Variants in RNF220 observed in about 807,000 individuals in gnomAD.
RNF220 encodes the protein ring finger protein 220.
A neutral mutation model predicts 67.1 loss-of-function variants in RNF220; 7 were observed. The observed-to-expected ratio is 0.10, with a 90% CI of 0.06 to 0.20. The LOEUF (loss-of-function observed/expected upper bound fraction) is 0.20. Ranked by LOEUF, RNF220 falls within the 10% of genes least tolerant of loss-of-function variation. The probability of loss-of-function intolerance (pLI) is 1.00; values close to 1 mark genes in which losing one functional copy is unlikely to be tolerated. For missense variants in RNF220, 565 were observed against 740.3 expected (o/e 0.76, Z 2.75); for synonymous variants, 270 against 283.2 (o/e 0.95, Z 0.47).
chr1:44,597,904 A>G (rs1289114780), intron 2 of RNF220, among the ~76,000 whole-genome samples: 1 of 151,848 alleles, frequency 6.6e-6, no homozygotes, highest in East Asian at 1.9e-4. Flanking sequence ...AAATAAACAT[A>G]CACCCGTCTA....
intron 2 of RNF220, among the ~76,000 whole-genome samples, chr1:44,500,515 G>A (rs184432140): frequency 9.2e-5 from 14 of 152,280 alleles, no homozygotes; most frequent in African/African-American, 3.4e-4. Context: ...CTCACCCACT[G>A]GAATGTAAGC....
At chr1:44,430,830 C>A (rs1363448589) in intron 2 of RNF220, among the ~76,000 whole-genome samples, 1 of 152,216 alleles carries the variant, frequency 6.6e-6, no homozygotes, top group Admixed American at 6.5e-5. Flanking sequence ...CAGGCGTGAG[C>A]CACCACGCCC....
chr1:44,488,296 C>G (rs182043017), intron 2 of RNF220, among the ~76,000 whole-genome samples: 4 of 151,926 alleles, frequency 2.6e-5, no homozygotes, highest in African/African-American at 9.7e-5. Context: ...CCACCACACC[C>G]GACTAATTTT....
chr1:44,599,290 T>C (rs1052769856), intron 2 of RNF220, among the ~76,000 whole-genome samples: 35 of 152,208 alleles, frequency 2.3e-4, no homozygotes, highest in Admixed American at 2.3e-3. Context: ...AATCGACATA[T>C]AGACATATGT....
chr1:44,472,617 C>T (rs1228148365), intron 2 of RNF220, among the ~76,000 whole-genome samples: 1 of 152,158 alleles, frequency 6.6e-6, no homozygotes, highest in African/African-American at 2.4e-5. Context: ...CAATTGCCTA[C>T]AGGATAAAAT....
chr1:44,609,036 A>G (rs1173012995), intron 2 of RNF220, among the ~76,000 whole-genome samples: 1 of 152,176 alleles, frequency 6.6e-6, no homozygotes, highest in Admixed American at 6.5e-5. Flanking sequence ...AATGAAGCTC[A>G]ATAACGTTAA....
intron 2 of RNF220, among the ~76,000 whole-genome samples, chr1:44,590,308 G>T (rs1196060649): frequency 6.6e-6 from 1 of 152,190 alleles, no homozygotes; most frequent in Non-Finnish European, 1.5e-5. Flanking sequence ...GTCCGGGGAG[G>T]GGCTGAAATC....
At chr1:44,616,059 G>A (rs1312888137) in intron 3 of RNF220, among the ~76,000 whole-genome samples, 1 of 152,180 alleles carries the variant, frequency 6.6e-6, no homozygotes, top group Admixed American at 6.5e-5. Context: ...CCACATGTGG[G>A]TCTCTGCATA....
At chr1:44,414,287 T>C (rs1648299826) in intron 2 of RNF220, among the ~76,000 whole-genome samples, 1 of 152,260 alleles carries the variant, frequency 6.6e-6, no homozygotes, top group South Asian at 2.1e-4. Context: ...CTAGTTATAA[T>C]GTGACCTCCA....
chr1:44,442,681 A>T (rs1572516039), intron 2 of RNF220, among the ~76,000 whole-genome samples: 1 of 151,742 alleles, frequency 6.6e-6, no homozygotes, highest in East Asian at 1.9e-4. Flanking sequence ...TGCTCAGCTA[A>T]TTTTTTTGTA....
intron 2 of RNF220, among the ~76,000 whole-genome samples, chr1:44,580,911 C>T (rs1665229695): frequency 2.0e-5 from 3 of 152,200 alleles, no homozygotes; most frequent in Non-Finnish European, 2.9e-5. Flanking sequence ...GCTGTGTGGC[C>T]GCCTTCTCCA....
intron 2 of RNF220, among the ~76,000 whole-genome samples, chr1:44,445,071 T>C (rs769179360): frequency 6.6e-6 from 1 of 152,222 alleles, no homozygotes; most frequent in Non-Finnish European, 1.5e-5. Context: ...TTTCTGGATA[T>C]ATAAATTTAG....
At chr1:44,575,006 G>A (rs897016022) in intron 2 of RNF220, among the ~76,000 whole-genome samples, 9 of 152,042 alleles carry the variant, frequency 5.9e-5, no homozygotes, top group African/African-American at 1.7e-4. Flanking sequence ...TCATTTCTAC[G>A]TACTGGAAAC....
intron 2 of RNF220, among the ~76,000 whole-genome samples, chr1:44,490,312 T>C (rs1656735625): frequency 6.6e-6 from 1 of 150,476 alleles, no homozygotes; most frequent in Non-Finnish European, 1.5e-5. Flanking sequence ...CTAGTAAAGA[T>C]AAAAAAAATT....
intron 2 of RNF220, among the ~76,000 whole-genome samples, chr1:44,484,668 G>A (rs905892470): frequency 2.0e-5 from 3 of 152,182 alleles, no homozygotes; most frequent in Non-Finnish European, 4.4e-5. Context: ...GGGTTCTCAG[G>A]TGGGGTCCCT....
In RNF220 at chr1:44,543,324, G is replaced by T. The variant is rs4278393; in HGVS notation, c.626-70841G>T. 3.0e-3 allele frequency among the ~76,000 whole-genome samples: 461 copies of T among 152,248 alleles called. 4 individuals carry two copies. Among genetic ancestry groups the T allele is most frequent in the African/African-American group, 0.011 (446 of 41,546 alleles). On this transcript the variant is annotated intron_variant, in intron 2 of 14. Coordinates refer to ENST00000361799, the MANE Select transcript of RNF220 (RefSeq NM_018150.4). The stretch of plus-strand genomic sequence containing the variant: ...TGGCTAGTGTTGTTGACATGGGGCT[G>T]GGGGGAGGGGAGGGGGTGATGGGGG...
intron 1 of RNF220, among the ~76,000 whole-genome samples, chr1:44,406,574 C>T (rs1199583854): frequency 2.0e-5 from 3 of 152,266 alleles, no homozygotes; most frequent in Non-Finnish European, 4.4e-5. Flanking sequence ...GCACGCCGGT[C>T]GCTGCGGTCC....
intron 2 of RNF220, among the ~76,000 whole-genome samples, chr1:44,469,901 G>C (rs1413580714): frequency 6.6e-6 from 1 of 152,216 alleles, no homozygotes; most frequent in Non-Finnish European, 1.5e-5. Flanking sequence ...AGTACGAGGT[G>C]AGGCTGCAGA....
chr1:44,476,491 G>A (rs1205603533), intron 2 of RNF220, among the ~76,000 whole-genome samples: 3 of 152,190 alleles, frequency 2.0e-5, no homozygotes, highest in Non-Finnish European at 4.4e-5. Flanking sequence ...CTGGGTAGTT[G>A]TACCGGGATC....
Sources: allele counts gnomAD v4.1 joint callset (sites outside exome capture counted in the v4.1 genomes callset), GRCh38; gene constraint gnomAD v4.1.1; transcripts MANE v1.5; gene names NCBI Gene and HGNC (gene_info 2026-07-23, HGNC 2026-07-21).